The following ST18 variants were observed in gnomAD, a reference collection of about 807,000 sequenced individuals.
The protein encoded by ST18 is suppression of tumorigenicity 18 protein.
A neutral mutation model predicts 110.0 loss-of-function variants in ST18; 50 were observed. That is an observed-to-expected ratio of 0.45 (90% CI 0.36 to 0.58). ST18 has a LOEUF of 0.58. Among genes scored for constraint, ST18 ranks in the 20% least tolerant of loss-of-function variants. The pLI, the probability that ST18 is intolerant of heterozygous loss-of-function variation, is 0.00. For synonymous variants in ST18, 461 were observed against 452.4 expected (o/e 1.02, Z -0.24); for missense variants, 1,306 against 1,280.1 (o/e 1.02, Z -0.31).
chr8:52,399,423 T>TTTTTATTTA (rs772254654), intron 2 of ST18, among the ~76,000 whole-genome samples: 5 of 151,946 alleles, frequency 3.3e-5, no homozygotes, highest in Non-Finnish European at 5.9e-5. Context: ...GTTTTTCTGT[T>TTTTTATTTA]TTTTATTTAT....
chr8:52,114,806 GGAA>G (rs1410900470), intron 25 of ST18, among the ~76,000 whole-genome samples: 1 of 152,138 alleles, frequency 6.6e-6, no homozygotes, highest in East Asian at 1.9e-4. Flanking sequence ...CTATGGAATG[GGAA>G]TACTAATGCT....
chr8:52,248,351 A>G (rs1256394324), intron 2 of ST18: 1 of 152,172 alleles, frequency 6.6e-6, no homozygotes, highest in Non-Finnish European at 1.5e-5. Flanking sequence ...TTATGAACAC[A>G]TCTATTTTAA....
intron 2 of ST18, among the ~76,000 whole-genome samples, chr8:52,276,791 A>G (rs1253591330): frequency 1.4e-5 from 2 of 146,668 alleles, no homozygotes; most frequent in Non-Finnish European, 3.0e-5. Flanking sequence ...TTTGAGACAG[A>G]GTTTTGCTCT....
chr8:52,394,158 A>C (rs1163619374), intron 2 of ST18, among the ~76,000 whole-genome samples: 1 of 152,108 alleles, frequency 6.6e-6, no homozygotes, highest in East Asian at 1.9e-4. Flanking sequence ...AGGGCATCCC[A>C]GTCTCTCCAG....
At chr8:52,274,259 T>A (rs73679024) in intron 2 of ST18, among the ~76,000 whole-genome samples, 5,931 of 152,232 alleles carry the variant, frequency 0.039, 408 homozygotes, top group African/African-American at 0.14. Context: ...ATTTAGGTGC[T>A]ACACAGAATT....
intron 2 of ST18, among the ~76,000 whole-genome samples, chr8:52,247,334 C>G (rs1017831263): frequency 1.3e-5 from 2 of 152,222 alleles, no homozygotes; most frequent in South Asian, 2.1e-4. Flanking sequence ...TAGGTGGAAA[C>G]AAGTTTGCAT....
intron 2 of ST18, among the ~76,000 whole-genome samples, chr8:52,236,168 C>G (rs2092635118): frequency 6.6e-6 from 1 of 152,182 alleles, no homozygotes; most frequent in Non-Finnish European, 1.5e-5. Context: ...GCTGCAGTCT[C>G]TGTACATTGA....
chr8:52,308,664 T>C (rs905143759), intron 2 of ST18, among the ~76,000 whole-genome samples: 1 of 152,220 alleles, frequency 6.6e-6, no homozygotes, highest in African/African-American at 2.4e-5. Context: ...GAGAACTGTG[T>C]CCAGGGAGGT....
chr8:52,394,963 C>G (rs1406156404), intron 2 of ST18, among the ~76,000 whole-genome samples: 1 of 152,150 alleles, frequency 6.6e-6, no homozygotes, highest in Non-Finnish European at 1.5e-5. Context: ...ATTCAAGACA[C>G]GAAAGTGGAT....
intron 8 of ST18, 140 bp downstream of exon 8, chr8:52,211,939 A>G: frequency 2.5e-6 from 2 of 792,502 alleles, no homozygotes; most frequent in South Asian, 3.0e-5. Flanking sequence ...TTCTTGGTGC[A>G]TACACAACGT....
Position 52,180,255 on chromosome 8 carries a change from C to T in ST18, c.144G>A (p.Gly48=), listed in dbSNP as rs148789361. The T allele has an allele frequency of 6.1e-5, 98 of 1,614,064 alleles. No individual in the cohort carries two copies. The South Asian group carries it at 7.8e-4, about 13-fold the overall frequency. Residue 48 remains glycine (G), a synonymous_variant, in exon 9 of 26, where the codon GGG becomes GGA. Transcript: ENST00000689386. ...GGGATTTCCTTTTGTTGACTGGAAC[C>T]CCCAAAGCCTGATCTTCAGCTGTTC... ...KKRTAEDQAL[G]VPVNKRKSLL... is the part of the protein sequence containing the mutation.
rs570311376 is a variant in ST18 at position 52,228,795 on chromosome 8, C to G, written c.-419+1237G>C. ...GATTCACATGGCCACCATCTGCTTTCAAACACTAGACTCGGCATTCTTTGA... is the reference window on the plus strand; with the variant it reads ...GATTCACATGGCCACCATCTGCTTTGAAACACTAGACTCGGCATTCTTTGA... On this transcript the variant is annotated intron_variant, in intron 3 of 25. Coordinates refer to ENST00000689386, the MANE Select transcript of ST18 (RefSeq NM_001352837.2). 5.6e-4 allele frequency among the ~76,000 whole-genome samples: 85 copies of G among 152,236 alleles called. 1 individual carries two copies. The highest frequency in any genetic ancestry group is 8.5e-4 in the Admixed American group (13 of 15,286).
intron 15 of ST18, among the ~76,000 whole-genome samples, chr8:52,157,999 A>G (rs1290336500): frequency 6.6e-6 from 1 of 152,262 alleles, no homozygotes; most frequent in Non-Finnish European, 1.5e-5. Context: ...CAGTGGCTTC[A>G]GCCATCTAGG....
intron 9 of ST18, among the ~76,000 whole-genome samples, chr8:52,178,647 C>CAAAAAAACAA (rs2068028796): frequency 1.4e-5 from 1 of 70,618 alleles, no homozygotes; most frequent in Non-Finnish European, 2.7e-5. Flanking sequence ...AAAAAAACCA[C>CAAAAAAACAA]CAAAAACCAA....
At chr8:52,154,334 T>C (rs535062227) in intron 15 of ST18, 47 of 152,370 alleles carry the variant, frequency 3.1e-4, no homozygotes, top group African/African-American at 1.1e-3. Flanking sequence ...CTTTGAACTT[T>C]AAACATTTCA....
In ST18 at chr8:52,126,071, G is replaced by T; in HGVS notation, c.2736C>A (p.Ile912=). Reference sequence around the variant, plus strand: ...TCTTACCCCCAGTTGCTTTGAGCTTGATGGTCATGAGTTCTTCAGAAACCT... The same window carrying T: ...TCTTACCCCCAGTTGCTTTGAGCTTTATGGTCATGAGTTCTTCAGAAACCT... The part of the protein sequence containing the change: ...KGKVSEELMT[I]KLKATGGIES... The change falls in exon 23 of 26, where the codon ATC becomes ATA. Residue 912 remains isoleucine, a synonymous_variant. Coordinates refer to ENST00000689386, the MANE Select transcript of ST18 (RefSeq NM_001352837.2). The T allele has an allele frequency of 1.2e-6, 2 of 1,614,132 alleles. No individual in the cohort carries two copies. Among genetic ancestry groups the T allele is most frequent in the Non-Finnish European group, 1.7e-6 (2 of 1,179,998 alleles).
rs561562423 is a variant in ST18, at chr8:52,397,391, G to T, written c.-465+11937C>A. On this transcript the variant is annotated intron_variant, in intron 2 of 25. Coordinates refer to ENST00000689386, the MANE Select transcript of ST18 (RefSeq NM_001352837.2). ...AATTTTGGAAATTAACTCCTTATCAGATATGTGGTTTGCAAATATTTTTCC... is the reference window on the plus strand; with the variant it reads ...AATTTTGGAAATTAACTCCTTATCATATATGTGGTTTGCAAATATTTTTCC... Among the ~76,000 whole-genome samples the T allele has an allele frequency of 9.9e-5, 15 of 152,264 alleles. No individual in the cohort carries two copies. The South Asian group carries it at 3.1e-3, about 32-fold the overall frequency.
chr8:52,380,693 G>A (rs1390872071), intron 2 of ST18, among the ~76,000 whole-genome samples: 1 of 152,010 alleles, frequency 6.6e-6, no homozygotes, highest in Non-Finnish European at 1.5e-5. Flanking sequence ...TGGAAATGCC[G>A]ATGCCTAACA....
chr8:52,238,061 T>C (rs970054551), intron 2 of ST18, among the ~76,000 whole-genome samples: 4 of 152,132 alleles, frequency 2.6e-5, no homozygotes, highest in African/African-American at 9.7e-5. Context: ...AGACTGACAA[T>C]AGCAAGTGTC....
Sources: allele counts gnomAD v4.1 joint callset (sites outside exome capture counted in the v4.1 genomes callset), GRCh38; gene constraint gnomAD v4.1.1; transcripts MANE v1.5; gene names NCBI Gene and HGNC (gene_info 2026-07-23, HGNC 2026-07-21).